Variants in RBM6 observed in about 807,000 individuals in gnomAD.
RBM6 encodes RNA-binding protein 6.
A neutral mutation model predicts 140.4 loss-of-function variants in RBM6; 23 were observed. The observed-to-expected ratio is 0.16, with a 90% CI of 0.12 to 0.23. The LOEUF (loss-of-function observed/expected upper bound fraction) is 0.23, where lower values mean the gene tolerates loss of function less well. RBM6 is among the 10% of genes least tolerant of loss of function. The pLI is 1.00. For synonymous variants in RBM6, 439 were observed against 475.6 expected, an observed-to-expected ratio of 0.92 and a Z score of 1.00; for missense variants, 1,139 against 1,386.7, an observed-to-expected ratio of 0.82 and a Z score of 2.84.
intron 5 of RBM6, among the ~76,000 whole-genome samples, chr3:49,979,719 G>A (rs150277121): frequency 2.0e-5 from 3 of 152,130 alleles, no homozygotes; most frequent in African/African-American, 7.2e-5. Flanking sequence ...AGCATTACAG[G>A]AGTGAGCCAC....
intron 17 of RBM6, 34 bp downstream of exon 17, chr3:50,066,536 G>A (rs2108937062): frequency 6.3e-7 from 1 of 1,594,262 alleles, no homozygotes; most frequent in East Asian, 2.2e-5. Context: ...CTTTCAAACT[G>A]TTGACTCTTG....
chr3:49,975,708 G>A (rs1435184915), intron 5 of RBM6, among the ~76,000 whole-genome samples: 2 of 152,178 alleles, frequency 1.3e-5, no homozygotes, highest in African/African-American at 4.8e-5. Flanking sequence ...GTGGTGGAAT[G>A]TTTATGCTTG....
At chr3:50,007,190 T>G (rs1436858959) in intron 6 of RBM6, among the ~76,000 whole-genome samples, 1 of 133,492 alleles carries the variant, frequency 7.5e-6, no homozygotes, top group Non-Finnish European at 1.6e-5. Flanking sequence ...CTAGTTGGAG[T>G]TTTTTTTTTT....
chr3:50,015,353 G>C (rs918142578), intron 6 of RBM6, among the ~76,000 whole-genome samples: 3 of 150,850 alleles, frequency 2.0e-5, no homozygotes, highest in Admixed American at 2.0e-4. Context: ...TGGTCTGCCC[G>C]CCTCAGCCTC....
chr3:50,011,222 A>T (rs2086834217), intron 6 of RBM6, among the ~76,000 whole-genome samples: 3 of 144,190 alleles, frequency 2.1e-5, no homozygotes, highest in African/African-American at 7.6e-5. Flanking sequence ...CTTGTCTCTT[A>T]AAAAAAAAAA....
Position 49,967,271 on chromosome 3 carries a change from G to T in RBM6, c.45-199G>T. 1 of 1,364,538 alleles carries T rather than the reference G, an allele frequency of 7.3e-7. No individual in the cohort carries two copies. The highest frequency in any genetic ancestry group is 9.4e-7 in the Non-Finnish European group (1 of 1,061,262). The allele number at this position is 1,364,538 out of a possible 1,614,324, so 84.5% of individuals were successfully genotyped here. A position where few individuals can be genotyped will look rare whatever the true frequency, so the allele number is the denominator to read the frequency against. On this transcript the variant is annotated intron_variant, in intron 2 of 20. Transcript: ENST00000266022. The surrounding 1 kb of genome is among the most constrained non-coding windows in gnomAD (Gnocchi z 4.0). Reference sequence around the variant, plus strand: ...TGACTTTCCTCGTGTTCTGAAATGGGAGCATAAAAGTTTACTCCGCCACTT... The same window carrying T: ...TGACTTTCCTCGTGTTCTGAAATGGTAGCATAAAAGTTTACTCCGCCACTT...
At chr3:49,961,430 G>C (rs962458164) in intron 1 of RBM6, among the ~76,000 whole-genome samples, 1 of 152,238 alleles carries the variant, frequency 6.6e-6, no homozygotes, top group Admixed American at 6.5e-5. Context: ...CGGTCTGCCT[G>C]CCTTGGCCTC....
chr3:50,017,298 C>T (rs2087215152), intron 6 of RBM6, among the ~76,000 whole-genome samples: 1 of 152,140 alleles, frequency 6.6e-6, no homozygotes. Context: ...TGGCTCACGC[C>T]TGTAATCCCA....
intron 1 of RBM6, among the ~76,000 whole-genome samples, chr3:49,947,474 G>A (rs2083547421): frequency 6.6e-6 from 1 of 151,948 alleles, no homozygotes; most frequent in Admixed American, 6.6e-5. Context: ...TTGAGTTTTA[G>A]GAGTCCTTTA....
chr3:50,013,372 A>T (rs958726534), intron 6 of RBM6, among the ~76,000 whole-genome samples: 3 of 151,012 alleles, frequency 2.0e-5, no homozygotes, highest in Admixed American at 6.6e-5. Flanking sequence ...TAGGTCTTTT[A>T]AAAAAAACAG....
intron 5 of RBM6, among the ~76,000 whole-genome samples, chr3:49,985,982 T>A (rs1395757501): frequency 8.6e-5 from 13 of 151,676 alleles, no homozygotes; most frequent in Non-Finnish European, 2.9e-5. Flanking sequence ...TTTTCATTTT[T>A]AAAAATTATT....
At chr3:49,974,491 C>A (rs1207836346) in intron 4 of RBM6, among the ~76,000 whole-genome samples, 2 of 151,048 alleles carry the variant, frequency 1.3e-5, no homozygotes, top group Non-Finnish European at 2.9e-5. Flanking sequence ...TCTGCCTCAG[C>A]CTCCCAAGTA....
Position 50,058,455 on chromosome 3 carries a change from G to A in RBM6, c.2023G>A (p.Val675Met). Residue 675 changes from valine to methionine, a missense_variant, in exon 10 of 21, where the codon GTG (valine) becomes ATG (methionine). By Grantham distance (21) the Val-to-Met change is conservative (BLOSUM62 1). Transcript: ENST00000266022. ...CACACCACCTGAGGTGATAGTGGAAGTGCTGGAGCCCTATGTCCGCCTTAC... is the reference window on the plus strand; with the variant it reads ...CACACCACCTGAGGTGATAGTGGAAATGCTGGAGCCCTATGTCCGCCTTAC... The part of the protein sequence containing the change: ...RSTPPEVIVE[V>M]LEPYVRLTTA... 6.2e-7 allele frequency: 1 copy of A among 1,608,114 alleles called. No homozygotes were observed. The highest frequency in any genetic ancestry group is 8.5e-7 in the Non-Finnish European group (1 of 1,174,512).
At chr3:49,978,633 A>G (rs2085165218) in intron 5 of RBM6, among the ~76,000 whole-genome samples, 1 of 152,222 alleles carries the variant, frequency 6.6e-6, no homozygotes, top group East Asian at 1.9e-4. Context: ...TATGGGAATT[A>G]TATCTCCCAG....
intron 6 of RBM6, among the ~76,000 whole-genome samples, chr3:50,000,114 A>G (rs1324291563): frequency 2.0e-5 from 3 of 152,090 alleles, no homozygotes; most frequent in African/African-American, 7.2e-5. Flanking sequence ...CAGAATCTGT[A>G]CTCACCTTAC....
intron 6 of RBM6, among the ~76,000 whole-genome samples, chr3:50,027,891 A>G (rs962773331): frequency 6.6e-6 from 1 of 152,234 alleles, no homozygotes; most frequent in African/African-American, 2.4e-5. Flanking sequence ...TTTACCAGCT[A>G]TCCCCAGATG....
intron 5 of RBM6, among the ~76,000 whole-genome samples, chr3:49,993,141 A>G (rs913160890): frequency 2.6e-5 from 4 of 152,184 alleles, no homozygotes; most frequent in African/African-American, 9.7e-5. Flanking sequence ...CATTGTGCTC[A>G]TATGACACCA....
At chr3:50,067,557 T>C (rs1015028580) in intron 17 of RBM6, among the ~76,000 whole-genome samples, 5 of 152,210 alleles carry the variant, frequency 3.3e-5, no homozygotes, top group East Asian at 1.9e-4. Flanking sequence ...GTTTTCACCA[T>C]AGGTGAGTCA....
chr3:49,968,537 A>G lies in RBM6; in HGVS notation c.1112A>G (p.Gln371Arg), dbSNP rs2084615050. Residue 371 changes from glutamine (Q) to arginine (R), a missense_variant, in exon 3 of 21, where the codon CAG becomes CGG. Physicochemically the swap from Gln to Arg is conservative, Grantham distance 43. Coordinates refer to ENST00000266022, the MANE Select transcript of RBM6 (RefSeq NM_005777.3). ...CCAGTTCAAGACCAAGATAAGTCAC[A>G]GCTTTCTGGACGTGAAGAGCAGAGT... The part of the protein sequence containing the change: ...QSPVQDQDKS[Q>R]LSGREEQSSD... 1 of 1,614,090 alleles carries G rather than the reference A, an allele frequency of 6.2e-7. No homozygotes were observed. Among genetic ancestry groups the G allele is most frequent in the Non-Finnish European group, 8.5e-7 (1 of 1,180,056 alleles).
Sources: gnomAD v4.1 joint callset for allele counts (sites outside exome capture counted in the v4.1 genomes callset) on GRCh38, gnomAD v4.1.1 for gene constraint, Gnocchi (gnomAD v3.1) non-coding constraint, MANE v1.5 for transcripts, NCBI Gene and HGNC (gene_info 2026-07-23, HGNC 2026-07-21) for gene names.